ME2: variants seen among roughly 807,000 people sequenced by gnomAD.
ME2 encodes NAD-dependent malic enzyme, mitochondrial.
In ME2, 60 loss-of-function variants were observed where a neutral mutation model predicts 73.7. The ratio of observed to expected loss-of-function variants is 0.81; its 90% confidence interval spans 0.66 to 1.01. The LOEUF (loss-of-function observed/expected upper bound fraction) is 1.01. ME2 is among the 50% of genes least tolerant of loss of function. ME2 has a pLI of 0.00. For synonymous variants in ME2, 199 were observed against 236.9 expected, an observed-to-expected ratio of 0.84 and a Z score of 1.47; for missense variants, 594 against 705.5, an observed-to-expected ratio of 0.84 and a Z score of 1.79.
At chr18:50,934,255 A>G (rs1468559349) in intron 13 of ME2, 2 of 152,200 alleles carry the variant, frequency 1.3e-5, no homozygotes, top group East Asian at 1.9e-4. Context: ...ATTTTATATC[A>G]TATCTGAGTA....
intron 12 of ME2, among the ~76,000 whole-genome samples, chr18:50,927,105 C>G (rs1917570792): frequency 6.6e-6 from 1 of 152,174 alleles, no homozygotes. Flanking sequence ...AGCCCAATTA[C>G]AAATATCTGC....
intron 2 of ME2, among the ~76,000 whole-genome samples, chr18:50,906,155 C>A (rs1367895588): frequency 6.6e-6 from 1 of 151,880 alleles, no homozygotes; most frequent in African/African-American, 2.4e-5. Context: ...AAGTCTTTAT[C>A]TAGTAAGTAC....
At position 50,918,112 on chromosome 18, in the gene ME2, A is replaced by G; in HGVS notation, c.633A>G (p.Ala211=). The part of the protein sequence containing the change: ...VCIDVGTDNI[A]LLKDPFYMGL... ...TTTACATTTGGTTTATTTTGTAGGC[A>G]CTCTTAAAAGACCCATTTTACATGG... is the stretch of plus-strand genomic sequence containing the variant. Residue 211 remains alanine, a splice_region_variant and synonymous_variant, in exon 7 of 16, where the codon GCA becomes GCG. Transcript: ENST00000321341. 2 of 1,565,802 alleles carry G rather than the reference A, an allele frequency of 1.3e-6. No homozygotes were observed. The highest frequency in any genetic ancestry group is 1.7e-6 in the Non-Finnish European group (2 of 1,152,206).
At chr18:50,879,769 C>T (rs1916268577) in intron 1 of ME2, among the ~76,000 whole-genome samples, 1 of 152,226 alleles carries the variant, frequency 6.6e-6, no homozygotes, top group Admixed American at 6.5e-5. Flanking sequence ...TGTGGCTCCT[C>T]CCTTTAAAAA....
chr18:50,886,329 C>T (rs987189162), intron 1 of ME2, among the ~76,000 whole-genome samples: 1 of 150,214 alleles, frequency 6.7e-6, no homozygotes, highest in African/African-American at 2.5e-5. Flanking sequence ...CTGTAACCTT[C>T]ACCTCCCAGG....
intron 2 of ME2, among the ~76,000 whole-genome samples, chr18:50,902,307 G>A (rs775731648): frequency 1.1e-4 from 17 of 151,984 alleles, no homozygotes; most frequent in Admixed American, 1.3e-4. Context: ...AACTTCTCCC[G>A]GCTAGTTCTT....
intron 1 of ME2, among the ~76,000 whole-genome samples, chr18:50,885,878 C>G (rs913040832): frequency 6.6e-6 from 1 of 152,026 alleles, no homozygotes; most frequent in Non-Finnish European, 1.5e-5. Context: ...GTATAAAAGT[C>G]AAATTTGAGT....
At chr18:50,921,863 T>G (rs1917439502) in intron 10 of ME2, among the ~76,000 whole-genome samples, 1 of 152,232 alleles carries the variant, frequency 6.6e-6, no homozygotes, top group South Asian at 2.1e-4. Context: ...CCAGATTAAC[T>G]TAGTACCTTT....
Position 50,947,332 on chromosome 18 carries a change from T to G in ME2, c.*148T>G. On this transcript the variant is annotated 3_prime_UTR_variant, in exon 16 of 16. Transcript: ENST00000321341. ...TGTATTTTTTCCATGCGTCTCCACATCTGTTGGGGTAGACGTGTTGATTGA... is the reference window on the plus strand; with the variant it reads ...TGTATTTTTTCCATGCGTCTCCACAGCTGTTGGGGTAGACGTGTTGATTGA... The G allele has an allele frequency of 1.4e-6, 1 of 696,814 alleles. No individual in the cohort carries two copies. Among genetic ancestry groups the G allele is most frequent in the South Asian group, 1.9e-5 (1 of 51,888 alleles). 43.2% of individuals were successfully genotyped at this position (696,814 alleles called of 1,614,324 possible).
intron 13 of ME2, chr18:50,933,549 A>G (rs376514878): frequency 2.0e-5 from 3 of 152,256 alleles, no homozygotes; most frequent in African/African-American, 7.2e-5. Flanking sequence ...CTCTTTCTAG[A>G]ACTTGATAAT....
At chr18:50,922,585 G>A (rs1039243395) in intron 10 of ME2, among the ~76,000 whole-genome samples, 27 of 152,228 alleles carry the variant, frequency 1.8e-4, no homozygotes, top group African/African-American at 5.8e-4. Flanking sequence ...CATCAAATAT[G>A]TTGTGATTCT....
Position 50,916,123 on chromosome 18 carries a change from A to G in ME2, c.393-45A>G, listed in dbSNP as rs1023704264. On this transcript the variant is annotated intron_variant, in intron 4 of 15. Coordinates refer to ENST00000321341, the MANE Select transcript of ME2 (RefSeq NM_002396.5). ...TTTCAATTATGAACAAAAACTTAGA[A>G]ACAAAGCTGTTGTGAAATGCAAAGG... 1.1e-5 allele frequency: 14 copies of G among 1,294,778 alleles called. No individual in the cohort carries two copies. The African/African-American group carries it at 1.9e-4, about 18-fold the overall frequency. The allele number at this position is 1,294,778 out of a possible 1,614,324, so 80.2% of individuals were successfully genotyped here.
At chr18:50,918,328 G>T (rs534891249) in intron 7 of ME2, 115 bp downstream of exon 7, 5 of 577,786 alleles carry the variant, frequency 8.7e-6, no homozygotes, top group Non-Finnish European at 1.5e-5. Flanking sequence ...AGCAGGAGGC[G>T]ATTAAATTTT....
chr18:50,934,604 T>TGA, intron 13 of ME2: 1 of 152,012 alleles, frequency 6.6e-6, no homozygotes, highest in African/African-American at 2.4e-5. Context: ...GCCATCATCA[T>TGA]GCCAGTGCAC....
chr18:50,910,493 G>A (rs889797285), intron 3 of ME2, among the ~76,000 whole-genome samples: 1 of 151,608 alleles, frequency 6.6e-6, no homozygotes, highest in African/African-American at 2.4e-5. Flanking sequence ...AAAGGGGTGA[G>A]AGCAGACCCT....
In ME2 at chr18:50,953,609, CAACTGTT is replaced by C. The variant is rs1303527350; in HGVS notation, c.*6429_*6435del. ...GATTTGGTAATCTTCACAGAATCAA[CAACTGTT>C]AACACTTCTGTGCAAATAAATTTCA... On this transcript the variant is annotated 3_prime_UTR_variant, in exon 16 of 16. Coordinates refer to ENST00000321341, the MANE Select transcript of ME2 (RefSeq NM_002396.5). 6.6e-6 allele frequency: 1 copy of C among 152,160 alleles called. No homozygotes were observed. Among genetic ancestry groups the C allele is most frequent in the Non-Finnish European group, 1.5e-5 (1 of 68,038 alleles). 9.4% of individuals were successfully genotyped at this position (152,160 alleles called of 1,614,324 possible).
chr18:50,906,555 C>A (rs570657904), intron 2 of ME2, among the ~76,000 whole-genome samples: 1 of 152,256 alleles, frequency 6.6e-6, no homozygotes, highest in Non-Finnish European at 1.5e-5. Flanking sequence ...TCAGGTGATC[C>A]GCCCACCTTG....
At chr18:50,935,080 C>T (rs1386555861) in intron 13 of ME2, 1 of 152,146 alleles carries the variant, frequency 6.6e-6, no homozygotes, top group Admixed American at 6.6e-5. Flanking sequence ...TAGTTTGCAG[C>T]AGCAATGGGT....
At chr18:50,897,450 G>A (rs890805090) in intron 2 of ME2, among the ~76,000 whole-genome samples, 3 of 152,158 alleles carry the variant, frequency 2.0e-5, no homozygotes, top group Admixed American at 6.5e-5. Flanking sequence ...TGTCGGCCAG[G>A]CACAGTGGCT....
Sources: allele counts gnomAD v4.1 joint callset (sites outside exome capture counted in the v4.1 genomes callset), GRCh38; gene constraint gnomAD v4.1.1; transcripts MANE v1.5; gene names NCBI Gene and HGNC (gene_info 2026-07-23, HGNC 2026-07-21).